Variants in AFTPH observed in about 807,000 individuals in gnomAD.
AFTPH encodes aftiphilin.
Under a neutral mutation model 72.5 loss-of-function variants are expected in AFTPH, and 7 were observed. The observed-to-expected ratio is 0.10, with a 90% CI of 0.05 to 0.18. The LOEUF is 0.18. AFTPH is among the 10% of genes least tolerant of loss of function. The pLI is 1.00. For missense variants in AFTPH, 979 were observed against 1,060.5 expected, an observed-to-expected ratio of 0.92 and a Z score of 1.07; for synonymous variants, 337 against 370.1, an observed-to-expected ratio of 0.91 and a Z score of 1.03.
chr2:64,568,886 A>G (rs1672249867), intron 3 of AFTPH, among the ~76,000 whole-genome samples: 1 of 152,248 alleles, frequency 6.6e-6, no homozygotes. Context: ...TGCTGGGATT[A>G]CAGGCGTGAG....
Position 64,524,624 on chromosome 2 carries a change from C to T in AFTPH, c.-33+12C>T. On this transcript the variant is annotated intron_variant, in intron 1 of 8. Transcript: ENST00000238856. ...CCCGAAGGAGCCAGGTAAGCGCCGC[C>T]GCTCCGCTCCCCTAGCTGCGCCGGG... 1 of 397,864 alleles carries T rather than the reference C, an allele frequency of 2.5e-6. No homozygotes were observed. The highest frequency in any genetic ancestry group is 4.4e-6 in the Non-Finnish European group (1 of 225,772). The allele number at this position is 397,864 out of a possible 1,614,324, so 24.6% of individuals were successfully genotyped here. A position where few individuals can be genotyped will look rare whatever the true frequency, so the allele number is the denominator to read the frequency against.
intron 8 of AFTPH, 21 bp from the exon 10 acceptor site, chr2:64,591,867 C>G: frequency 6.2e-7 from 1 of 1,612,834 alleles, no homozygotes; most frequent in Non-Finnish European, 8.5e-7. Flanking sequence ...ACACACTTGT[C>G]TTTTTTTCAT....
intron 1 of AFTPH, among the ~76,000 whole-genome samples, chr2:64,546,584 T>A (rs1670638941): frequency 6.6e-6 from 1 of 152,148 alleles, no homozygotes; most frequent in South Asian, 2.1e-4. Flanking sequence ...TTTTTTTCCA[T>A]TTTGAAACAA....
intron 1 of AFTPH, among the ~76,000 whole-genome samples, chr2:64,528,831 T>G (rs775138865): frequency 2.6e-5 from 4 of 152,164 alleles, no homozygotes; most frequent in Non-Finnish European, 5.9e-5. Flanking sequence ...GACTTAGGCT[T>G]TTTACTGTGG....
intron 2 of AFTPH, among the ~76,000 whole-genome samples, chr2:64,554,895 T>C (rs1351847437): frequency 2.0e-5 from 3 of 152,232 alleles, no homozygotes; most frequent in African/African-American, 7.2e-5. Context: ...TTTAACATCA[T>C]CAGATAATGA....
At chr2:64,572,602 GA>G (rs1381560119) in intron 5 of AFTPH, among the ~76,000 whole-genome samples, 1 of 152,100 alleles carries the variant, frequency 6.6e-6, no homozygotes, top group Non-Finnish European at 1.5e-5. Flanking sequence ...TAAAACCTCT[GA>G]TTTAAAATAC....
At chr2:64,583,794 T>C (rs911381922) in intron 7 of AFTPH, among the ~76,000 whole-genome samples, 1 of 152,180 alleles carries the variant, frequency 6.6e-6, no homozygotes, top group Non-Finnish European at 1.5e-5. Flanking sequence ...AGAGTCAATA[T>C]ACATTTTCTA....
chr2:64,567,703 C>T (rs200831274), exon 3 of AFTPH: 3 of 1,611,184 alleles, frequency 1.9e-6, no homozygotes, highest in East Asian at 2.2e-5. Context: ...AGAGGCCTTA[C>T]CTGAAAGTGG....
intron 1 of AFTPH, among the ~76,000 whole-genome samples, chr2:64,546,811 G>A (rs1670659428): frequency 6.7e-6 from 1 of 149,890 alleles, no homozygotes; most frequent in East Asian, 2.0e-4. Context: ...AAGGCGGGCA[G>A]ATCACGAGGT....
chr2:64,548,325 G>A (rs1358117042), intron 1 of AFTPH, among the ~76,000 whole-genome samples: 6 of 144,078 alleles, frequency 4.2e-5, no homozygotes, highest in Non-Finnish European at 7.6e-5. Flanking sequence ...CCCGGGAAGC[G>A]GAGCTTGCAG....
intron 5 of AFTPH, among the ~76,000 whole-genome samples, chr2:64,570,723 A>G (rs1487254813): frequency 6.6e-6 from 1 of 152,144 alleles, no homozygotes; most frequent in African/African-American, 2.4e-5. Context: ...TAGGAGTTTA[A>G]TTTGTAGGCA....
At chr2:64,563,694 C>T (rs1465175003) in intron 2 of AFTPH, among the ~76,000 whole-genome samples, 2 of 152,196 alleles carry the variant, frequency 1.3e-5, no homozygotes, top group Admixed American at 6.5e-5. Flanking sequence ...ACCTCTGCCT[C>T]CCAGGTTCAA....
intron 5 of AFTPH, 42 bp from the exon 6 acceptor site, chr2:64,572,904 G>A: frequency 6.2e-7 from 1 of 1,609,038 alleles, no homozygotes; most frequent in Non-Finnish European, 8.5e-7. Flanking sequence ...TTTATGGGCT[G>A]TGCACCCCCA....
At chr2:64,573,873 GTA>G (rs1306568167) in intron 6 of AFTPH, among the ~76,000 whole-genome samples, 4 of 152,126 alleles carry the variant, frequency 2.6e-5, no homozygotes, top group Non-Finnish European at 5.9e-5. Context: ...GGCCAGGCTG[GTA>G]TTGAACTTAT....
intron 1 of AFTPH, among the ~76,000 whole-genome samples, chr2:64,534,066 CAAGTGAGGTTTTTGGTGTTTTCT>C (rs1213657496): frequency 6.6e-6 from 1 of 152,014 alleles, no homozygotes; most frequent in Non-Finnish European, 1.5e-5. Flanking sequence ...GCCACCCTCC[CAAGTGAGGTTTTTGGTGTTTTCT>C]TCTTGGTGAT....
At chr2:64,541,908 T>C (rs772075381) in intron 1 of AFTPH, among the ~76,000 whole-genome samples, 1 of 152,242 alleles carries the variant, frequency 6.6e-6, no homozygotes, top group Non-Finnish European at 1.5e-5. Context: ...GCTAATGTCA[T>C]TGATACTATT....
At chr2:64,583,940 AAT>A (rs1453922256) in intron 7 of AFTPH, among the ~76,000 whole-genome samples, 8 of 152,044 alleles carry the variant, frequency 5.3e-5, no homozygotes, top group African/African-American at 1.2e-4. Flanking sequence ...TTAATTTTTT[AAT>A]ATGTTAAGTA....
chr2:64,539,277 T>C (rs1180845604), intron 1 of AFTPH, among the ~76,000 whole-genome samples: 1 of 152,222 alleles, frequency 6.6e-6, no homozygotes, highest in African/African-American at 2.4e-5. Context: ...CGACACTCAC[T>C]GACACCTCTG....
At chr2:64,549,904 A>G (rs532922654) in intron 1 of AFTPH, among the ~76,000 whole-genome samples, 8 of 152,324 alleles carry the variant, frequency 5.3e-5, no homozygotes, top group African/African-American at 1.4e-4. Flanking sequence ...ATATTTATTA[A>G]CTTTTATATG....
Sources: allele counts gnomAD v4.1 joint callset (sites outside exome capture counted in the v4.1 genomes callset), GRCh38; gene constraint gnomAD v4.1.1; transcripts MANE v1.5; gene names NCBI Gene and HGNC (gene_info 2026-07-23, HGNC 2026-07-21).